KPNA3: variants seen among roughly 807,000 people sequenced by gnomAD.
The protein encoded by KPNA3 is karyopherin subunit alpha 3.
A neutral mutation model predicts 73.8 loss-of-function variants in KPNA3; 13 were observed. That is an observed-to-expected ratio of 0.18 (90% CI 0.11 to 0.28). KPNA3 has a LOEUF of 0.28. Ranked by LOEUF, KPNA3 falls within the 10% of genes least tolerant of loss-of-function variation. KPNA3 has a pLI of 1.00. For synonymous variants in KPNA3, 186 were observed against 206.9 expected, an observed-to-expected ratio of 0.90 and a Z score of 0.87; for missense variants, 360 against 618.1, an observed-to-expected ratio of 0.58 and a Z score of 4.43.
intron 1 of KPNA3, among the ~76,000 whole-genome samples, chr13:49,778,856 CCT>C (rs1301713141): frequency 6.6e-6 from 1 of 152,198 alleles, no homozygotes; most frequent in African/African-American, 2.4e-5. Flanking sequence ...AATCCTCCCT[CCT>C]CTGTCTTCCA....
intron 7 of KPNA3, 114 bp downstream of exon 7, chr13:49,725,301 CT>C (rs1418055451): frequency 6.0e-6 from 3 of 503,536 alleles, no homozygotes; most frequent in Non-Finnish European, 1.0e-5. Flanking sequence ...TCAAAAGTAA[CT>C]TATAAAAGTC....
At chr13:49,737,001 T>C (rs1482489687) in intron 2 of KPNA3, among the ~76,000 whole-genome samples, 1 of 152,222 alleles carries the variant, frequency 6.6e-6, no homozygotes, top group Non-Finnish European at 1.5e-5. Context: ...TTGTTGCTTG[T>C]ATCAACAATT....
rs1447225448 is a variant in KPNA3, at chr13:49,792,580, GGGAGGAGGGGGAGAGC to G, written c.-90_-75del. ...CGGCGGCGAATCTTGGAGCGGGAGG[GGGAGGAGGGGGAGAGC>G]GGGAGGGGGGAGGGGAGAGAAGAGC... On this transcript the variant is annotated 5_prime_UTR_variant, in exon 1 of 17. Coordinates refer to ENST00000261667, the MANE Select transcript of KPNA3 (RefSeq NM_002267.4). 1.3e-6 allele frequency: 1 copy of G among 795,656 alleles called. No homozygotes were observed. The highest frequency in any genetic ancestry group is 1.5e-5 in the South Asian group (1 of 65,144). The allele number at this position is 795,656 out of a possible 1,614,324, so 49.3% of individuals were successfully genotyped here. A position where few individuals can be genotyped will look rare whatever the true frequency, so the allele number is the denominator to read the frequency against.
At chr13:49,722,705 G>T (rs760885188) in intron 7 of KPNA3, 142 bp from the exon 8 acceptor site, 23 of 530,100 alleles carry the variant, frequency 4.3e-5, no homozygotes, top group Non-Finnish European at 6.6e-5. Context: ...ACCCTAAAAA[G>T]AATCAATTTC....
chr13:49,734,349 A>G (rs1954499420), intron 2 of KPNA3, among the ~76,000 whole-genome samples: 1 of 152,224 alleles, frequency 6.6e-6, no homozygotes, highest in Non-Finnish European at 1.5e-5. Flanking sequence ...AGTGATTTCT[A>G]ATTTAATTAC....
chr13:49,762,226 G>GC, intron 1 of KPNA3, among the ~76,000 whole-genome samples: 1 of 147,662 alleles, frequency 6.8e-6, no homozygotes, highest in South Asian at 2.2e-4. Flanking sequence ...CCGGCCAGCC[G>GC]CCCCGTCGCG....
intron 7 of KPNA3, among the ~76,000 whole-genome samples, chr13:49,723,725 C>T (rs534218289): frequency 6.6e-6 from 1 of 151,704 alleles, no homozygotes; most frequent in Admixed American, 6.6e-5. Flanking sequence ...CAAAAATTAG[C>T]TGGACATGGT....
chr13:49,749,476 C>T (rs1954644484), intron 1 of KPNA3, among the ~76,000 whole-genome samples: 2 of 152,188 alleles, frequency 1.3e-5, no homozygotes, highest in African/African-American at 4.8e-5. Context: ...GGCCCTACAG[C>T]ACAACTTCAG....
chr13:49,738,591 GTATTT>G (rs1385479098), intron 2 of KPNA3, among the ~76,000 whole-genome samples: 3 of 152,194 alleles, frequency 2.0e-5, no homozygotes, highest in African/African-American at 7.2e-5. Flanking sequence ...ATATACTGAA[GTATTT>G]TATTTTCTTT....
chr13:49,771,522 C>A (rs1954855443), intron 1 of KPNA3, among the ~76,000 whole-genome samples: 1 of 152,208 alleles, frequency 6.6e-6, no homozygotes, highest in Admixed American at 6.5e-5. Context: ...GTGGCGCAAT[C>A]ACCATTCACT....
chr13:49,739,582 T>TA (rs1176373580), intron 2 of KPNA3, among the ~76,000 whole-genome samples: 1 of 152,220 alleles, frequency 6.6e-6, no homozygotes, highest in Non-Finnish European at 1.5e-5. Context: ...AGAGGCCAGG[T>TA]AAACAGTACC....
chr13:49,746,711 T>A (rs1476698649), intron 2 of KPNA3, among the ~76,000 whole-genome samples: 1 of 152,148 alleles, frequency 6.6e-6, no homozygotes, highest in Non-Finnish European at 1.5e-5. Context: ...TCAAAGAAAA[T>A]GTATCTAACT....
intron 5 of KPNA3, 67 bp from the exon 6 acceptor site, chr13:49,732,533 T>G: frequency 6.9e-7 from 1 of 1,448,250 alleles, no homozygotes; most frequent in Non-Finnish European, 9.6e-7. Context: ...TAACAACATA[T>G]TAACTTCTAG....
chr13:49,766,092 A>T (rs1276715327), intron 1 of KPNA3, among the ~76,000 whole-genome samples: 1 of 152,226 alleles, frequency 6.6e-6, no homozygotes, highest in Non-Finnish European at 1.5e-5. Flanking sequence ...GGGATATTCA[A>T]CTACCTCAAA....
intron 1 of KPNA3, among the ~76,000 whole-genome samples, chr13:49,754,561 C>A (rs1954693933): frequency 7.9e-6 from 1 of 126,086 alleles, no homozygotes; most frequent in African/African-American, 3.0e-5. Flanking sequence ...AAGGAATAAA[C>A]AGAAATCAAT....
At chr13:49,762,501 C>T (rs1954775630) in intron 1 of KPNA3, among the ~76,000 whole-genome samples, 1 of 152,154 alleles carries the variant, frequency 6.6e-6, no homozygotes, top group Non-Finnish European at 1.5e-5. Flanking sequence ...ATAGGAGACT[C>T]CATTTTTGTT....
chr13:49,750,411 C>T (rs60019803), intron 1 of KPNA3, among the ~76,000 whole-genome samples: 18,184 of 151,564 alleles, frequency 0.12, 2,184 homozygotes, highest in East Asian at 0.59. Flanking sequence ...CCAACACTTT[C>T]GGAGGTCGAG....
At chr13:49,780,154 G>C (rs2137602793) in intron 1 of KPNA3, among the ~76,000 whole-genome samples, 1 of 152,156 alleles carries the variant, frequency 6.6e-6, no homozygotes, top group Middle Eastern at 3.4e-3. Context: ...GGATACGCTA[G>C]CCTAGAAGGG....
chr13:49,766,749 A>C (rs537900487), intron 1 of KPNA3, among the ~76,000 whole-genome samples: 1 of 152,304 alleles, frequency 6.6e-6, no homozygotes, highest in South Asian at 2.1e-4. Flanking sequence ...AGATTAAAAA[A>C]ATATAGCAGG....
Sources: allele counts gnomAD v4.1 joint callset (sites outside exome capture counted in the v4.1 genomes callset), GRCh38; gene constraint gnomAD v4.1.1; transcripts MANE v1.5; gene names NCBI Gene and HGNC (gene_info 2026-07-23, HGNC 2026-07-21).